The following TG variants were observed in gnomAD, a reference collection of about 807,000 sequenced individuals.
The protein encoded by TG is thyroglobulin, also known as thyroid hormones.
Under a neutral mutation model 324.7 loss-of-function variants are expected in TG, and 270 were observed. The observed-to-expected ratio is 0.83, with a 90% confidence interval of 0.75 to 0.92. The LOEUF (loss-of-function observed/expected upper bound fraction) is 0.92. Ranked by LOEUF, TG falls within the 40% of genes least tolerant of loss-of-function variation. The probability of loss-of-function intolerance (pLI) is 0.00; values close to 1 mark genes in which losing one functional copy is unlikely to be tolerated. For synonymous variants in TG, 1,401 were observed against 1,327.0 expected (o/e 1.06, Z -1.21); for missense variants, 3,591 against 3,456.4 (o/e 1.04, Z -0.98).
At chr8:132,927,156 G>T (rs1821987805) in intron 22 of TG, among the ~76,000 whole-genome samples, 1 of 152,144 alleles carries the variant, frequency 6.6e-6, no homozygotes, top group Non-Finnish European at 1.5e-5. Flanking sequence ...CGTTGTGTGT[G>T]CATATGTGTG....
intron 42 of TG, 131 bp from the exon 43 acceptor site, chr8:133,096,075 C>A: frequency 1.8e-6 from 2 of 1,128,938 alleles, no homozygotes; most frequent in Non-Finnish European, 2.6e-6. Flanking sequence ...GCCAGTTGTC[C>A]TGGTCACTTT....
At chr8:132,954,456 C>T (rs1826561717) in intron 27 of TG, among the ~76,000 whole-genome samples, 1 of 152,120 alleles carries the variant, frequency 6.6e-6, no homozygotes, top group African/African-American at 2.4e-5. Context: ...ACACAACAGC[C>T]AATAAAGGGT....
intron 34 of TG, among the ~76,000 whole-genome samples, chr8:132,981,911 A>C (rs1458472228): frequency 2.6e-5 from 4 of 152,196 alleles, no homozygotes; most frequent in African/African-American, 9.7e-5. Context: ...TATCTGACCA[A>C]AGTGAAGAAG....
At chr8:133,066,750 T>C (rs928350908) in intron 41 of TG, among the ~76,000 whole-genome samples, 7 of 152,176 alleles carry the variant, frequency 4.6e-5, no homozygotes, top group African/African-American at 1.7e-4. Context: ...ATCCACTAAT[T>C]TGGGATACAA....
At chr8:132,889,935 C>G (rs1370423623) in intron 10 of TG, among the ~76,000 whole-genome samples, 1 of 152,028 alleles carries the variant, frequency 6.6e-6, no homozygotes, top group African/African-American at 2.4e-5. Flanking sequence ...TGCCACCACA[C>G]CCAGCTAATT....
intron 26 of TG, among the ~76,000 whole-genome samples, chr8:132,943,579 G>A (rs1824786555): frequency 6.6e-6 from 1 of 152,128 alleles, no homozygotes; most frequent in Non-Finnish European, 1.5e-5. Flanking sequence ...CTCCCCAGCA[G>A]AAGGCAGATA....
In TG at chr8:132,882,627, G is replaced by A. The variant is rs772503967; in HGVS notation, c.889+15G>A. The A allele has an allele frequency of 1.9e-6, 3 of 1,614,192 alleles. No homozygotes were observed. Among genetic ancestry groups the A allele is most frequent in the South Asian group, 1.1e-5 (1 of 91,084 alleles). ...CAGATTCCGATGTAAGTAATAAACT[G>A]CCAACAATGTGCGTGTTTCCATTAG... On this transcript the variant is annotated intron_variant, in intron 7 of 47. Coordinates refer to ENST00000220616, the MANE Select transcript of TG (RefSeq NM_003235.5).
intron 41 of TG, among the ~76,000 whole-genome samples, chr8:133,041,537 G>A (rs567158320): frequency 6.6e-6 from 1 of 152,308 alleles, no homozygotes; most frequent in East Asian, 1.9e-4. Flanking sequence ...AAATTGAAAT[G>A]ACCTCCCAGG....
chr8:133,011,261 A>T (rs1209356378), intron 35 of TG, among the ~76,000 whole-genome samples: 3 of 152,102 alleles, frequency 2.0e-5, no homozygotes, highest in Non-Finnish European at 4.4e-5. Context: ...ACCCCCATGG[A>T]CAGTGTTGGG....
intron 22 of TG, among the ~76,000 whole-genome samples, chr8:132,924,128 A>G (rs916180581): frequency 2.0e-5 from 3 of 151,874 alleles, no homozygotes; most frequent in African/African-American, 7.3e-5. Context: ...AGATGGTCCC[A>G]TTTGGGGGTG....
In TG at chr8:132,901,537, C is replaced by A. The variant is rs1319696698; in HGVS notation, c.3618C>A (p.Gly1206=). Residue 1206 remains glycine, a synonymous_variant, in exon 16 of 48, where the codon GGC becomes GGA. Transcript: ENST00000220616. ...TGCCTGGGACGCGCGTGACCGGGGG[C>A]CAGCCCGCCTGTGAGAGTAAGTCAT... The part of the protein sequence containing the change: ...EEVPGTRVTG[G]QPACESPRCP... 1.2e-6 allele frequency: 2 copies of A among 1,613,142 alleles called. No homozygotes were observed. The highest frequency in any genetic ancestry group is 3.3e-5 in the Admixed American group (2 of 60,004).
At chr8:132,881,278 G>A (rs144064065) in intron 5 of TG, among the ~76,000 whole-genome samples, 42 of 152,256 alleles carry the variant, frequency 2.8e-4, no homozygotes, top group Middle Eastern at 6.8e-3. Context: ...TTCAGTTTAC[G>A]GAAAGAGATG....
rs1450807008 is a variant in TG, at chr8:133,131,799, T to A, written c.7863-13T>A. 6.8e-6 allele frequency: 11 copies of A among 1,613,976 alleles called. No individual in the cohort carries two copies. The South Asian group carries it at 1.2e-4, about 18-fold the overall frequency. On this transcript the variant is annotated splice_polypyrimidine_tract_variant and intron_variant, in intron 45 of 47. Transcript: ENST00000220616. Reference sequence around the variant, plus strand: ...CTTGACCTTTTGCTGCTGCTTTTCCTCTGTTTTCTCAGCCTGGAGCTGCTG... The same window carrying A: ...CTTGACCTTTTGCTGCTGCTTTTCCACTGTTTTCTCAGCCTGGAGCTGCTG...
intron 21 of TG, among the ~76,000 whole-genome samples, chr8:132,920,240 G>GT (rs542057892): frequency 1.8e-3 from 269 of 152,212 alleles, no homozygotes; most frequent in Middle Eastern, 0.01. Flanking sequence ...GTATTGTTGG[G>GT]TTTTTTTCCT....
At chr8:132,944,819 A>G (rs1407826332) in intron 26 of TG, among the ~76,000 whole-genome samples, 1 of 152,272 alleles carries the variant, frequency 6.6e-6, no homozygotes, top group Non-Finnish European at 1.5e-5. Context: ...AGACTTTCCG[A>G]AATCTTGAAT....
intron 27 of TG, among the ~76,000 whole-genome samples, chr8:132,954,563 A>G (rs576053416): frequency 1.3e-3 from 201 of 152,328 alleles, no homozygotes; most frequent in African/African-American, 4.6e-3. Flanking sequence ...GTGTGTACCC[A>G]GTGGTGCTGC....
intron 37 of TG, among the ~76,000 whole-genome samples, chr8:133,015,524 G>T (rs576919685): frequency 2.6e-5 from 4 of 152,162 alleles, no homozygotes; most frequent in Non-Finnish European, 5.9e-5. Flanking sequence ...CATTGAGTTG[G>T]GGATTCACTG....
chr8:133,046,636 AC>A (rs1259019176), intron 41 of TG: 1 of 152,048 alleles, frequency 6.6e-6, no homozygotes, highest in Non-Finnish European at 1.5e-5. Flanking sequence ...TACGACACCC[AC>A]CCTGGGTTCT....
At chr8:133,056,216 G>A (rs536011053) in intron 41 of TG, among the ~76,000 whole-genome samples, 34 of 152,250 alleles carry the variant, frequency 2.2e-4, no homozygotes, top group Middle Eastern at 3.4e-3. Context: ...ATGTGACATC[G>A]TGGATTTCTT....
Sources: gnomAD v4.1 joint callset for allele counts (sites outside exome capture counted in the v4.1 genomes callset) on GRCh38, gnomAD v4.1.1 for gene constraint, MANE v1.5 for transcripts, NCBI Gene and HGNC (gene_info 2026-07-23, HGNC 2026-07-21) for gene names.